Variants in ASIC4 observed in about 807,000 individuals in gnomAD.
The protein encoded by ASIC4 is acid sensing ion channel subunit family member 4.
ASIC4 carries 28 observed loss-of-function variants against 53.4 expected under a neutral mutation model. The ratio of observed to expected loss-of-function variants is 0.52; its 90% confidence interval spans 0.39 to 0.72. The LOEUF (loss-of-function observed/expected upper bound fraction) is 0.72, where lower values mean the gene tolerates loss of function less well. ASIC4 is among the 30% of genes least tolerant of loss of function. The probability of loss-of-function intolerance (pLI) is 0.00; values close to 1 mark genes in which losing one functional copy is unlikely to be tolerated. For synonymous variants in ASIC4, 289 were observed against 301.4 expected, an observed-to-expected ratio of 0.96 and a Z score of 0.43; for missense variants, 649 against 729.7, an observed-to-expected ratio of 0.89 and a Z score of 1.27.
chr2:219,532,617 G>A, intron 4 of ASIC4, 140 bp downstream of exon 4: 2 of 1,248,280 alleles, frequency 1.6e-6, no homozygotes, highest in Non-Finnish European at 1.1e-6. Flanking sequence ...GAGTGTGAGT[G>A]TTTGGGATTT....
At chr2:219,524,109 C>T (rs1259906425) in intron 1 of ASIC4, among the ~76,000 whole-genome samples, 1 of 152,218 alleles carries the variant, frequency 6.6e-6, no homozygotes, top group Non-Finnish European at 1.5e-5. Flanking sequence ...AAGTGTGAGC[C>T]ACCGTGCCTA....
intron 1 of ASIC4, among the ~76,000 whole-genome samples, chr2:219,524,581 C>T (rs1197523231): frequency 6.6e-6 from 1 of 152,258 alleles, no homozygotes; most frequent in African/African-American, 2.4e-5. Flanking sequence ...TACGTACATT[C>T]TGTCTTTCCT....
Position 219,537,250 on chromosome 2 carries a change from G to A in ASIC4, c.1330G>A (p.Gly444Arg), listed in dbSNP as rs368660581. 4.3e-6 allele frequency: 7 copies of A among 1,613,460 alleles called. No homozygotes were observed. The highest frequency in any genetic ancestry group is 2.2e-5 in the South Asian group (2 of 90,990). ...GCTCTCCTGCTTCCCAGGAGACCTCGGGGGACAGATGGGCCTGTTCATTGG... is the reference window on the plus strand; with the variant it reads ...GCTCTCCTGCTTCCCAGGAGACCTCAGGGGACAGATGGGCCTGTTCATTGG... ...YGLSALLGDL[G>R]GQMGLFIGAS... is the part of the protein sequence containing the mutation. Residue 444 changes from glycine to arginine, a missense_variant, in exon 8 of 10, where the codon GGG becomes AGG. By Grantham distance (125) the Gly-to-Arg change is moderately radical (BLOSUM62 -2). Transcript: ENST00000358078. This position sits in a 1 kb window ranked among gnomAD's most constrained non-coding sequence, Gnocchi z 4.9.
At chr2:219,527,146 T>C (rs1694973604) in intron 1 of ASIC4, among the ~76,000 whole-genome samples, 2 of 152,194 alleles carry the variant, frequency 1.3e-5, no homozygotes, top group Non-Finnish European at 2.9e-5. Context: ...GAAGAAGCTG[T>C]GGGCTGTGCT....
Position 219,537,968 on chromosome 2 carries a change from G to C in ASIC4, c.1542G>C (p.Gly514=), listed in dbSNP as rs761784290. 1.2e-6 allele frequency: 2 copies of C among 1,612,510 alleles called. No homozygotes were observed. The highest frequency in any genetic ancestry group is 1.7e-6 in the Non-Finnish European group (2 of 1,179,460). Residue 514 remains glycine, a synonymous_variant, in exon 10 of 10, where the codon GGG becomes GGC. Coordinates refer to ENST00000358078, the MANE Select transcript of ASIC4 (RefSeq NM_018674.6). This position sits in a 1 kb window ranked among gnomAD's most constrained non-coding sequence, Gnocchi z 4.9. ...PCPSRGRVEG[G]GVSSLLPNHH... is the part of the protein sequence containing the mutation. ...CGAGCCGGGGCCGAGTGGAGGGTGG[G>C]GGGGTCAGCAGTCTGCTCCCCAATC...
At chr2:219,535,384 G>A (rs907805496) in intron 6 of ASIC4, 60 bp downstream of exon 6, 1 of 1,495,364 alleles carries the variant, frequency 6.7e-7, no homozygotes, top group Non-Finnish European at 9.0e-7. Flanking sequence ...GTGTGTGGGG[G>A]GTGGCTGTGT....
chr2:219,530,358 C>T (rs1027075472), intron 1 of ASIC4, among the ~76,000 whole-genome samples: 150 of 152,390 alleles, frequency 9.8e-4, no homozygotes, highest in African/African-American at 3.5e-3. Context: ...CATCTGCTGT[C>T]CATGCAGGAG....
At chr2:219,507,781 G>T in the ASIC4 span, among the ~76,000 whole-genome samples, 186 of 152,252 alleles carry the variant, frequency 1.2e-3, 1 homozygote, top group Non-Finnish European at 2.4e-3. Flanking sequence ...AGAATGGGGG[G>T]TGCAGGGCAT....
At position 219,516,279 on chromosome 2, in the gene ASIC4, AC is replaced by A. The variant is rs1694787413; in HGVS notation, c.582+978del. 6.6e-6 allele frequency among the ~76,000 whole-genome samples: 1 copy of A among 150,724 alleles called. No homozygotes were observed. The highest frequency in any genetic ancestry group is 2.4e-5 in the African/African-American group (1 of 40,858). ...TGCCATCCCTTCTCATGACACCCCC[AC>A]CCCCATCTATCCCAACCGCTGCTCC... On this transcript the variant is annotated intron_variant, in intron 1 of 9. Coordinates refer to ENST00000358078, the MANE Select transcript of ASIC4 (RefSeq NM_018674.6). The surrounding 1 kb of genome is among the most constrained non-coding windows in gnomAD (Gnocchi z 4.9).
In ASIC4 at chr2:219,530,490, C is replaced by T. The variant is rs542691462; in HGVS notation, c.583-1268C>T. 2.0e-5 allele frequency among the ~76,000 whole-genome samples: 3 copies of T among 152,364 alleles called. No individual in the cohort carries two copies. In the East Asian group the frequency reaches 5.8e-4, roughly 29 times the overall value. On this transcript the variant is annotated intron_variant, in intron 1 of 9. Transcript: ENST00000358078. ...CACCAGACAGGCTCCTGCTCCTGTG[C>T]GGCATACATGCTCATTGAGGGAGAT...
At position 219,537,862 on chromosome 2, in the gene ASIC4, C is replaced by T; in HGVS notation, c.1507-71C>T. 6.7e-7 allele frequency: 1 copy of T among 1,493,256 alleles called. No homozygotes were observed. 92.5% of individuals were successfully genotyped at this position (1,493,256 alleles called of 1,614,324 possible). The stretch of plus-strand genomic sequence containing the variant: ...CTCTGCCCGAGGTGACAAGGAAAGG[C>T]TGGCGGTGTGAGCCCTGGGGGCACC... On this transcript the variant is annotated intron_variant, in intron 9 of 9. Coordinates refer to ENST00000358078, the MANE Select transcript of ASIC4 (RefSeq NM_018674.6). The surrounding 1 kb of genome is among the most constrained non-coding windows in gnomAD (Gnocchi z 4.9).
chr2:219,520,963 A>T (rs1200118169), intron 1 of ASIC4, among the ~76,000 whole-genome samples: 1 of 152,226 alleles, frequency 6.6e-6, no homozygotes, highest in South Asian at 2.1e-4. Context: ...CCAAATCGTG[A>T]TTATTTTAAT....
intron 1 of ASIC4, among the ~76,000 whole-genome samples, chr2:219,523,143 T>C (rs887277805): frequency 1.3e-5 from 2 of 152,206 alleles, no homozygotes; most frequent in African/African-American, 2.4e-5. Flanking sequence ...TGTGCTCCAC[T>C]GTATAAGCAA....
chr2:219,513,104 T>C (rs904626813), upstream of ASIC4, among the ~76,000 whole-genome samples: 8 of 152,160 alleles, frequency 5.3e-5, no homozygotes, highest in Non-Finnish European at 1.2e-4. Flanking sequence ...AGCTGCCGTT[T>C]CCCTCAGATC....
intron 1 of ASIC4, among the ~76,000 whole-genome samples, chr2:219,528,817 G>A (rs1694997256): frequency 6.6e-6 from 1 of 152,204 alleles, no homozygotes; most frequent in Admixed American, 6.5e-5. Flanking sequence ...TGGGATTACA[G>A]GTGTGAGCCA....
chr2:219,530,379 A>G (rs1165248727), intron 1 of ASIC4, among the ~76,000 whole-genome samples: 1 of 152,224 alleles, frequency 6.6e-6, no homozygotes, highest in East Asian at 1.9e-4. Flanking sequence ...AACTCTCCGC[A>G]GAGGAAAAGG....
intron 1 of ASIC4, among the ~76,000 whole-genome samples, chr2:219,519,521 G>T (rs1220643653): frequency 6.6e-6 from 1 of 152,208 alleles, no homozygotes; most frequent in Non-Finnish European, 1.5e-5. Context: ...ATAGGTGCAG[G>T]AGTGCGCACA....
chr2:219,519,806 A>G (rs1694857740), intron 1 of ASIC4, among the ~76,000 whole-genome samples: 1 of 151,766 alleles, frequency 6.6e-6, no homozygotes, highest in African/African-American at 2.4e-5. Context: ...TATAAAGGGT[A>G]GCTGCGGGCT....
rs1237043540 is a variant in ASIC4, at chr2:219,514,854, AC to A, written c.132del (p.Phe45LeufsTer49). ...TGGAGCAGCCCCCCGAGACCTGGCCACCTTTGCCAGCACCAGCACCCTGCAT... is the reference window on the plus strand; with the variant it reads ...TGGAGCAGCCCCCCGAGACCTGGCCACTTTGCCAGCACCAGCACCCTGCAT... ...APGAAPRDLA[T>X]FASTSTLHGL... On this transcript the variant is annotated frameshift_variant, in exon 1 of 10. Transcript: ENST00000358078. LOFTEE classifies it high-confidence loss of function. 2 of 1,612,434 alleles carry A rather than the reference AC, an allele frequency of 1.2e-6. No homozygotes were observed.
Sources: allele counts gnomAD v4.1 joint callset (sites outside exome capture counted in the v4.1 genomes callset), GRCh38; gene constraint gnomAD v4.1.1; non-coding constraint Gnocchi (gnomAD v3.1); transcripts MANE v1.5; gene names NCBI Gene and HGNC (gene_info 2026-07-23, HGNC 2026-07-21).